CCDC141: variants seen among roughly 807,000 people sequenced by gnomAD.
CCDC141 encodes the protein coiled-coil domain-containing protein 141.
A neutral mutation model predicts 181.0 loss-of-function variants in CCDC141; 168 were observed. That is an observed-to-expected ratio of 0.93 (90% CI 0.82 to 1.05). The LOEUF is 1.05. Among genes scored for constraint, CCDC141 ranks in the 50% least tolerant of loss-of-function variants. The pLI is 0.00. For missense variants in CCDC141, 1,902 were observed against 1,788.5 expected, an observed-to-expected ratio of 1.06 and a Z score of -1.14; for synonymous variants, 666 against 642.3, an observed-to-expected ratio of 1.04 and a Z score of -0.56.
intron 1 of CCDC141, among the ~76,000 whole-genome samples, 183 bp from the exon 2 acceptor site, chr2:179,047,589 A>G (rs1559070956): frequency 6.6e-6 from 1 of 152,204 alleles, no homozygotes; most frequent in Non-Finnish European, 1.5e-5. Context: ...CAACAGATCT[A>G]ATATAAATCC....
At chr2:179,032,243 G>A (rs1258760934) in intron 2 of CCDC141, among the ~76,000 whole-genome samples, 1 of 152,114 alleles carries the variant, frequency 6.6e-6, no homozygotes, top group African/African-American at 2.4e-5. Flanking sequence ...AAAAAGCAAT[G>A]TGAATTCATT....
At chr2:178,913,522 C>T (rs773551007) in intron 7 of CCDC141, among the ~76,000 whole-genome samples, 1 of 151,682 alleles carries the variant, frequency 6.6e-6, no homozygotes, top group Admixed American at 6.6e-5. Context: ...ATATATATCA[C>T]GTATATATAA....
At chr2:178,819,710 T>C in the CCDC141 span, among the ~76,000 whole-genome samples, 1 of 152,094 alleles carries the variant, frequency 6.6e-6, no homozygotes, top group African/African-American at 2.4e-5. Context: ...CTGCTAAACA[T>C]CCTACAGTGT....
In CCDC141 at chr2:178,838,751, C is replaced by T. The variant is rs914496940; in HGVS notation, c.3475-1007G>A. 2.0e-5 allele frequency among the ~76,000 whole-genome samples: 3 copies of T among 152,164 alleles called. No homozygotes were observed. In the East Asian group the frequency reaches 5.8e-4, roughly 29 times the overall value. ...TCAAGATACAATAGGAAAGCACCTG[C>T]CACTTGTCTCTGCTCCAATCTGAGT... is the stretch of plus-strand genomic sequence containing the variant. On this transcript the variant is annotated intron_variant, in intron 22 of 23. Transcript: ENST00000443758.
intron 7 of CCDC141, among the ~76,000 whole-genome samples, chr2:178,916,877 A>G (rs1688474970): frequency 6.6e-6 from 1 of 151,656 alleles, no homozygotes; most frequent in South Asian, 2.1e-4. Context: ...TAAATTCTCT[A>G]CTCCAATCTG....
At chr2:178,847,669 G>T (rs992915314) in intron 21 of CCDC141, among the ~76,000 whole-genome samples, 7 of 152,204 alleles carry the variant, frequency 4.6e-5, no homozygotes, top group Admixed American at 2.0e-4. Flanking sequence ...GCAGTTATAT[G>T]TGATGTAATT....
chr2:178,817,221 G>A, the CCDC141 span, among the ~76,000 whole-genome samples: 2 of 152,068 alleles, frequency 1.3e-5, no homozygotes, highest in African/African-American at 4.8e-5. Context: ...TGTTTCCTGT[G>A]TTGTATTTTT....
intron 6 of CCDC141, among the ~76,000 whole-genome samples, chr2:178,932,678 C>A (rs1055882804): frequency 6.6e-6 from 1 of 152,072 alleles, no homozygotes; most frequent in African/African-American, 2.4e-5. Context: ...TTTTATATTT[C>A]TTTCCTATTT....
chr2:178,980,295 A>G (rs1691315357), intron 2 of CCDC141, among the ~76,000 whole-genome samples: 1 of 152,132 alleles, frequency 6.6e-6, no homozygotes, highest in South Asian at 2.1e-4. Flanking sequence ...TACAAATCCA[A>G]AAAAATTAGC....
At chr2:178,981,347 C>T (rs994162413) in intron 2 of CCDC141, among the ~76,000 whole-genome samples, 6 of 151,382 alleles carry the variant, frequency 4.0e-5, no homozygotes, top group Non-Finnish European at 7.4e-5. Context: ...TATCCTGGGC[C>T]ATAAAACATA....
chr2:179,024,274 G>A (rs1280962084), intron 2 of CCDC141, among the ~76,000 whole-genome samples: 1 of 152,176 alleles, frequency 6.6e-6, no homozygotes, highest in Non-Finnish European at 1.5e-5. Context: ...AGCAAGGTAT[G>A]TGAATACCAT....
At chr2:178,915,897 G>T (rs10166147) in intron 7 of CCDC141, 24,347 of 152,162 alleles carry the variant, frequency 0.16, 2,337 homozygotes, top group African/African-American at 0.27. Flanking sequence ...CCCACCTGCT[G>T]CAGTTGCATA....
chr2:179,015,736 T>C (rs990545520), intron 2 of CCDC141, among the ~76,000 whole-genome samples: 2 of 137,008 alleles, frequency 1.5e-5, no homozygotes, highest in Non-Finnish European at 3.1e-5. Context: ...ATATCTCATA[T>C]ATATATCTTA....
intron 2 of CCDC141, among the ~76,000 whole-genome samples, chr2:179,001,295 GC>G (rs1199283375): frequency 6.6e-6 from 1 of 152,178 alleles, no homozygotes; most frequent in African/African-American, 2.4e-5. Context: ...GACATGAGAA[GC>G]ACAATTTGAG....
rs765373299 is a variant in CCDC141, at chr2:178,868,138, T to A, written c.2462A>T (p.His821Leu). 6.2e-6 allele frequency: 10 copies of A among 1,613,954 alleles called. No individual in the cohort carries two copies. The highest frequency in any genetic ancestry group is 8.5e-6 in the Non-Finnish European group (10 of 1,179,944). The change falls in exon 16 of 24, where the codon CAT (histidine) becomes CTT (leucine). Residue 821 changes from histidine to leucine, a missense_variant. Physicochemically the swap from His to Leu is moderately conservative, Grantham distance 99 (BLOSUM62 -3). Coordinates refer to ENST00000443758, the MANE Select transcript of CCDC141 (RefSeq NM_173648.4). ...VEQPKELGDA[H>L]DVQIHLRCSQ... ...GCACCGGAGGTGAATCTGCACATCA[T>A]GGGCATCACCCAGTTCCTTCGGCTG...
chr2:178,965,372 T>C lies in CCDC141; in HGVS notation c.527-3889A>G, dbSNP rs534868921. On this transcript the variant is annotated intron_variant, in intron 4 of 23. Transcript: ENST00000443758. The stretch of plus-strand genomic sequence containing the variant: ...AGGAACAGCTCGGGTCTGCAGCTCC[T>C]AGAGAGATTGACACAGAAGGAAGGT... Among the ~76,000 whole-genome samples, 12 of 152,296 alleles carry C rather than the reference T, an allele frequency of 7.9e-5. No individual in the cohort carries two copies. In the South Asian group the frequency reaches 2.5e-3, roughly 32 times the overall value.
chr2:178,977,882 T>A lies in CCDC141; in HGVS notation c.417+602A>T, dbSNP rs191158294. Reference sequence around the variant, plus strand: ...TTTTGAAATTAGAAACCTCAAAAAATTGTAGAATTCGAGAAAAATCACATG... The same window carrying A: ...TTTTGAAATTAGAAACCTCAAAAAAATGTAGAATTCGAGAAAAATCACATG... On this transcript the variant is annotated intron_variant, in intron 3 of 23. Coordinates refer to ENST00000443758, the MANE Select transcript of CCDC141 (RefSeq NM_173648.4). Among the ~76,000 whole-genome samples the A allele has an allele frequency of 1.9e-3, 287 of 152,286 alleles. 2 individuals carry two copies. The highest frequency in any genetic ancestry group is 6.7e-3 in the African/African-American group (278 of 41,566).
At chr2:178,951,082 A>G (rs1165796947) in intron 5 of CCDC141, among the ~76,000 whole-genome samples, 1 of 152,136 alleles carries the variant, frequency 6.6e-6, no homozygotes, top group Non-Finnish European at 1.5e-5. Flanking sequence ...CCTAAATTTT[A>G]TTTCTAGCAT....
chr2:179,026,565 TGCA>T (rs969424919), intron 2 of CCDC141, among the ~76,000 whole-genome samples: 11 of 152,322 alleles, frequency 7.2e-5, no homozygotes, highest in African/African-American at 2.6e-4. Flanking sequence ...GCTAGGGCAG[TGCA>T]GAAGGGAAAT....
Sources: gnomAD v4.1 joint callset for allele counts (sites outside exome capture counted in the v4.1 genomes callset) on GRCh38, gnomAD v4.1.1 for gene constraint, MANE v1.5 for transcripts, NCBI Gene and HGNC (gene_info 2026-07-23, HGNC 2026-07-21) for gene names.